TAL1: variants seen among roughly 807,000 people sequenced by gnomAD.
TAL1 encodes the protein TAL bHLH transcription factor 1, erythroid differentiation factor, also known as T-cell acute lymphocytic leukemia protein 1.
Under a neutral mutation model 17.9 loss-of-function variants are expected in TAL1, and 8 were observed. The ratio of observed to expected loss-of-function variants is 0.45; its 90% CI spans 0.26 to 0.81. The LOEUF (loss-of-function observed/expected upper bound fraction) is 0.81. Ranked by LOEUF, TAL1 falls within the 30% of genes least tolerant of loss-of-function variation. The pLI is 0.17. For missense variants in TAL1, 466 were observed against 486.9 expected (o/e 0.96, Z 0.40); for synonymous variants, 223 against 218.6 (o/e 1.02, Z -0.18).
At chr1:47,222,591 C>T (rs1643838381) in intron 3 of TAL1, among the ~76,000 whole-genome samples, 1 of 152,108 alleles carries the variant, frequency 6.6e-6, no homozygotes, top group Admixed American at 6.5e-5. Context: ...TCTCTAATTT[C>T]AGTGTCCCCT....
intron 1 of TAL1, chr1:47,227,956 C>A (rs528548290): frequency 6.6e-6 from 1 of 152,250 alleles, no homozygotes; most frequent in Non-Finnish European, 1.5e-5. Context: ...AGCTTCTAAC[C>A]GAGTGACAGT....
exon 4 of TAL1, chr1:47,220,092 G>A (rs780848420): frequency 8.1e-6 from 13 of 1,613,172 alleles, no homozygotes; most frequent in Admixed American, 1.7e-5. Flanking sequence ...TGCGGAGCTC[G>A]GCAAAGGCCC....
intron 1 of TAL1, chr1:47,226,142 G>A: frequency 2.1e-6 from 1 of 467,966 alleles, no homozygotes; most frequent in Non-Finnish European, 3.7e-6. Flanking sequence ...AGGGCCAAAA[G>A]GACAGAGATG....
intron 2 of TAL1, 80 bp downstream of exon 3, chr1:47,225,363 A>T (rs1467332282): frequency 6.7e-6 from 8 of 1,185,752 alleles, no homozygotes; most frequent in South Asian, 8.7e-5. Context: ...GCCGCCGCCG[A>T]TGTGTAGAAG....
intron 3 of TAL1, among the ~76,000 whole-genome samples, chr1:47,222,166 C>G (rs376478520): frequency 6.6e-6 from 1 of 152,238 alleles, no homozygotes; most frequent in Non-Finnish European, 1.5e-5. Flanking sequence ...TGCTGGTGAT[C>G]TTGAGGGAGC....
At chr1:47,228,091 A>T (rs1643939817) in intron 1 of TAL1, 1 of 154,442 alleles carries the variant, frequency 6.5e-6, no homozygotes, top group Non-Finnish European at 1.4e-5. Context: ...ATTCCAGATG[A>T]ATTGACCCTG....
upstream of TAL1, chr1:47,232,168 T>C: frequency 4.8e-6 from 1 of 207,398 alleles, no homozygotes; most frequent in Non-Finnish European, 9.9e-6. Flanking sequence ...AATGCTCACG[T>C]TTTTCCGCTA....
At chr1:47,231,188 C>G (rs1464354948), upstream of TAL1, 4 of 179,060 alleles carry the variant, frequency 2.2e-5, 1 homozygote, top group East Asian at 3.7e-4. Context: ...CACCTAGGCA[C>G]AGGCGGGCCT....
At chr1:47,230,983 A>T (rs1644002730), upstream of TAL1, 1 of 152,372 alleles carries the variant, frequency 6.6e-6, no homozygotes, top group East Asian at 1.9e-4. Flanking sequence ...GGCCTGGTGA[A>T]TGTGCCCATT....
At chr1:47,231,686 G>A (rs1369492761), upstream of TAL1, 1 of 233,562 alleles carries the variant, frequency 4.3e-6, no homozygotes. Flanking sequence ...GAACACCAAC[G>A]GAGCACAATC....
At chr1:47,230,754 T>C (rs942994527), upstream of TAL1, 4 of 152,160 alleles carry the variant, frequency 2.6e-5, no homozygotes, top group Non-Finnish European at 2.9e-5. Context: ...ATGATGACGA[T>C]TGTGATGGTG....
chr1:47,219,557 A>T, exon 4 of TAL1: 1 of 1,162,972 alleles, frequency 8.6e-7, no homozygotes, highest in Non-Finnish European at 1.2e-6. Context: ...CAGAAAAGCC[A>T]GCCCCAGGGT....
At chr1:47,231,102 GA>G (rs1644005253), upstream of TAL1, 2 of 165,114 alleles carry the variant, frequency 1.2e-5, no homozygotes, top group Non-Finnish European at 2.7e-5. Context: ...CTACCGGCTC[GA>G]AGGCGCCGGC....
At chr1:47,223,765 A>ATG in intron 3 of TAL1, 4 of 482,518 alleles carry the variant, frequency 8.3e-6, no homozygotes, top group Middle Eastern at 5.4e-4. Flanking sequence ...AAGCGCCATT[A>ATG]TGTGTCTCTC....
intron 2 of TAL1, 137 bp from the exon 4 acceptor site, chr1:47,224,235 T>C (rs1243161268): frequency 1.0e-5 from 7 of 689,066 alleles, no homozygotes; most frequent in South Asian, 6.7e-5. Context: ...GAGCTGGGAA[T>C]AGGCACACAC....
At chr1:47,217,093 A>G (rs1323567361) in exon 4 of TAL1, 1 of 234,588 alleles carries the variant, frequency 4.3e-6, no homozygotes, top group Non-Finnish European at 8.4e-6. Flanking sequence ...AATTAAGACA[A>G]TCTGGGCTGG....
At position 47,220,184 on chromosome 1, in the gene TAL1, A is replaced by G. The variant is rs886176079; in HGVS notation, c.542-10T>C. 2.6e-6 allele frequency: 4 copies of G among 1,539,788 alleles called. No homozygotes were observed. The Admixed American group carries it at 5.7e-5, about 22-fold the overall frequency. Reference sequence around the variant, plus strand: ...ACTTTGGTGTGGGGACCTGGAGATTAGGAGGACAAGAGTTAGGAGAATGGG... The same window carrying G: ...ACTTTGGTGTGGGGACCTGGAGATTGGGAGGACAAGAGTTAGGAGAATGGG... On this transcript the variant is annotated splice_polypyrimidine_tract_variant and intron_variant, in intron 3 of 3. Transcript: ENST00000294339.
upstream of TAL1, chr1:47,229,916 T>C (rs550602963): frequency 1.5e-4 from 23 of 152,342 alleles, no homozygotes; most frequent in African/African-American, 5.5e-4. Context: ...CAGAACCCAA[T>C]TCCAGGGGCT....
chr1:47,228,168 G>A (rs965563499), intron 1 of TAL1: 3 of 164,512 alleles, frequency 1.8e-5, no homozygotes, highest in African/African-American at 4.8e-5. Flanking sequence ...AGAAATATAT[G>A]ATTGGATCCC....
Sources: gnomAD v4.1 joint callset for allele counts (sites outside exome capture counted in the v4.1 genomes callset) on GRCh38, gnomAD v4.1.1 for gene constraint, MANE v1.5 for transcripts, NCBI Gene and HGNC (gene_info 2026-07-23, HGNC 2026-07-21) for gene names.